Variants in FGF14 observed in about 807,000 individuals in gnomAD.
FGF14 encodes fibroblast growth factor 14, also known as fibroblast growth factor homologous factor 4.
In FGF14, 5 loss-of-function variants were observed where a neutral mutation model predicts 25.5. That is an observed-to-expected ratio of 0.20 (90% CI 0.10 to 0.41). The LOEUF is 0.41. Ranked by LOEUF, FGF14 falls within the 10% of genes least tolerant of loss-of-function variation. FGF14 has a pLI of 1.00. For missense variants in FGF14, 222 were observed against 320.1 expected, an observed-to-expected ratio of 0.69 and a Z score of 2.34; for synonymous variants, 138 against 118.3, an observed-to-expected ratio of 1.17 and a Z score of -1.08.
chr13:102,287,488 T>C (rs1217649930), intron 1 of FGF14, among the ~76,000 whole-genome samples: 1 of 152,208 alleles, frequency 6.6e-6, no homozygotes, highest in East Asian at 1.9e-4. Flanking sequence ...CCATGCCTTT[T>C]TTTCTTCTCC....
chr13:101,817,771 A>C (rs1056271093), intron 3 of FGF14, among the ~76,000 whole-genome samples: 1 of 152,192 alleles, frequency 6.6e-6, no homozygotes, highest in African/African-American at 2.4e-5. Flanking sequence ...CTGCTGCATG[A>C]GTTTATACAA....
chr13:101,912,487 T>G (rs1264513591), intron 1 of FGF14, among the ~76,000 whole-genome samples: 4 of 152,218 alleles, frequency 2.6e-5, no homozygotes, highest in Non-Finnish European at 5.9e-5. Flanking sequence ...ACAATGTTCA[T>G]TATACACCAT....
chr13:101,783,287 T>C (rs2039620610), intron 3 of FGF14, among the ~76,000 whole-genome samples: 1 of 152,018 alleles, frequency 6.6e-6, no homozygotes, highest in Non-Finnish European at 1.5e-5. Context: ...CTGGACAACA[T>C]GGGAAAACCC....
chr13:102,231,718 A>T (rs558690659), intron 1 of FGF14, among the ~76,000 whole-genome samples: 1 of 152,188 alleles, frequency 6.6e-6, no homozygotes, highest in Non-Finnish European at 1.5e-5. Flanking sequence ...GATCTCATCA[A>T]TCCAGTGATA....
At chr13:102,214,240 T>C (rs1342245916) in intron 1 of FGF14, among the ~76,000 whole-genome samples, 1 of 152,240 alleles carries the variant, frequency 6.6e-6, no homozygotes, top group Non-Finnish European at 1.5e-5. Context: ...GCTCATTAAT[T>C]CCCTTCCTTT....
At chr13:102,222,273 T>C (rs184887481) in intron 1 of FGF14, among the ~76,000 whole-genome samples, 1 of 152,370 alleles carries the variant, frequency 6.6e-6, no homozygotes, top group East Asian at 1.9e-4. Flanking sequence ...CTTAGTCTTA[T>C]ACATGCCATT....
chr13:102,074,574 C>A (rs1185238328), intron 1 of FGF14, among the ~76,000 whole-genome samples: 1 of 152,076 alleles, frequency 6.6e-6, no homozygotes, highest in Non-Finnish European at 1.5e-5. Flanking sequence ...GGGAATACTT[C>A]TAAACATTTT....
chr13:101,836,879 T>C (rs917350365), intron 3 of FGF14, among the ~76,000 whole-genome samples: 3 of 152,094 alleles, frequency 2.0e-5, no homozygotes, highest in South Asian at 2.1e-4. Context: ...TAATGTAATA[T>C]GTAATGATGA....
chr13:102,082,491 A>T (rs2043672121), intron 1 of FGF14, among the ~76,000 whole-genome samples: 1 of 152,212 alleles, frequency 6.6e-6, no homozygotes, highest in Non-Finnish European at 1.5e-5. Context: ...CCACAACAAA[A>T]ATGGATAAAC....
intron 1 of FGF14, among the ~76,000 whole-genome samples, chr13:102,161,638 A>AAGAAGAAGAAGAAGAAGAAGG (rs2047721148): frequency 8.6e-5 from 1 of 11,584 alleles, no homozygotes; most frequent in Non-Finnish European, 1.6e-4. Flanking sequence ...GAAGAAGAAG[A>AAGAAGAAGAAGAAGAAGAAGG]AGAAGAAGAA....
chr13:101,953,533 T>C (rs1035845870), intron 1 of FGF14, among the ~76,000 whole-genome samples: 4 of 151,572 alleles, frequency 2.6e-5, no homozygotes, highest in African/African-American at 9.7e-5. Context: ...GGTCAACTGC[T>C]ACCTTTCTGT....
intron 3 of FGF14, among the ~76,000 whole-genome samples, chr13:101,793,973 C>G (rs1490055506): frequency 6.6e-6 from 1 of 151,910 alleles, no homozygotes; most frequent in Non-Finnish European, 1.5e-5. Flanking sequence ...AGGTAAATAC[C>G]TTCAGGGAGA....
At chr13:102,364,222 C>T (rs142841289) in intron 1 of FGF14, among the ~76,000 whole-genome samples, 10 of 152,376 alleles carry the variant, frequency 6.6e-5, no homozygotes, top group Middle Eastern at 3.4e-3. Context: ...TTAGTGAACA[C>T]TCAAATGATC....
intron 1 of FGF14, among the ~76,000 whole-genome samples, chr13:102,348,825 C>T (rs2057188914): frequency 6.6e-6 from 1 of 152,186 alleles, no homozygotes; most frequent in Non-Finnish European, 1.5e-5. Flanking sequence ...CCACATCAGA[C>T]ACGGGACCAC....
intron 1 of FGF14, among the ~76,000 whole-genome samples, chr13:102,109,449 T>C (rs2045104837): frequency 6.6e-6 from 1 of 152,208 alleles, no homozygotes; most frequent in Non-Finnish European, 1.5e-5. Context: ...TGTGAGTTAA[T>C]GCACATGTAA....
At chr13:101,776,594 A>C (rs1055282410) in intron 3 of FGF14, among the ~76,000 whole-genome samples, 1 of 152,178 alleles carries the variant, frequency 6.6e-6, no homozygotes, top group Non-Finnish European at 1.5e-5. Context: ...GAGTCACTGA[A>C]AGGCAAGAAG....
At chr13:101,994,306 G>T (rs1383865700) in intron 1 of FGF14, among the ~76,000 whole-genome samples, 1 of 151,844 alleles carries the variant, frequency 6.6e-6, no homozygotes, top group African/African-American at 2.4e-5. Context: ...TAAATAAATA[G>T]ATTAATTAAT....
At chr13:101,902,271 TTTCTG>T (rs1384252862) in intron 1 of FGF14, among the ~76,000 whole-genome samples, 1 of 152,092 alleles carries the variant, frequency 6.6e-6, no homozygotes, top group Non-Finnish European at 1.5e-5. Context: ...ATATTATTAT[TTTCTG>T]TCCTTATGCT....
chr13:101,866,412 C>T (rs974959469), intron 3 of FGF14, among the ~76,000 whole-genome samples: 5 of 152,064 alleles, frequency 3.3e-5, no homozygotes, highest in Non-Finnish European at 5.9e-5. Flanking sequence ...TTTCTATCTA[C>T]CACCTGAGTG....
Sources: allele counts gnomAD v4.1 joint callset (sites outside exome capture counted in the v4.1 genomes callset), GRCh38; gene constraint gnomAD v4.1.1; transcripts MANE v1.5; gene names NCBI Gene and HGNC (gene_info 2026-07-23, HGNC 2026-07-21).